Variants in ANKS1B observed in about 807,000 individuals in gnomAD.
ANKS1B encodes ankyrin repeat and sterile alpha motif domain-containing protein 1B.
ANKS1B carries 36 observed loss-of-function variants against 148.3 expected under a neutral mutation model. The ratio of observed to expected loss-of-function variants is 0.24; its 90% CI spans 0.19 to 0.32. The LOEUF (loss-of-function observed/expected upper bound fraction) is 0.32, where lower values mean the gene tolerates loss of function less well. Among genes scored for constraint, ANKS1B ranks in the 10% least tolerant of loss-of-function variants. The pLI, the probability that ANKS1B is intolerant of heterozygous loss-of-function variation, is 1.00. For missense variants in ANKS1B, 1,157 were observed against 1,542.6 expected (o/e 0.75, Z 4.19); for synonymous variants, 542 against 560.8 (o/e 0.97, Z 0.47).
chr12:98,784,787 A>ATAGTCATT (rs2098774663), intron 22 of ANKS1B, among the ~76,000 whole-genome samples: 1 of 152,158 alleles, frequency 6.6e-6, no homozygotes, highest in South Asian at 2.1e-4. Context: ...AAGATGAAGG[A>ATAGTCATT]TAGTCATTTC....
intron 9 of ANKS1B, among the ~76,000 whole-genome samples, chr12:99,523,701 C>T (rs541482544): frequency 1.1e-4 from 17 of 151,752 alleles, no homozygotes; most frequent in East Asian, 9.7e-4. Flanking sequence ...CACAGGCGCC[C>T]GCCACCACGC....
At chr12:99,316,843 T>A (rs1472787664) in intron 12 of ANKS1B, among the ~76,000 whole-genome samples, 2 of 152,252 alleles carry the variant, frequency 1.3e-5, no homozygotes, top group African/African-American at 4.8e-5. Context: ...AATTAATTTT[T>A]GTATAAGGTG....
intron 12 of ANKS1B, among the ~76,000 whole-genome samples, chr12:99,398,561 T>C (rs929771612): frequency 3.9e-5 from 6 of 152,180 alleles, no homozygotes; most frequent in African/African-American, 1.4e-4. Context: ...ATTCTTGTTA[T>C]ACCCAACTAA....
intron 25 of ANKS1B, among the ~76,000 whole-genome samples, chr12:98,770,751 T>A (rs995094384): frequency 6.6e-6 from 1 of 152,168 alleles, no homozygotes; most frequent in Non-Finnish European, 1.5e-5. Flanking sequence ...CTTAAGCTGG[T>A]ATAGATTTTG....
chr12:99,376,677 C>T (rs2093403750), intron 12 of ANKS1B, among the ~76,000 whole-genome samples: 1 of 152,160 alleles, frequency 6.6e-6, no homozygotes, highest in Non-Finnish European at 1.5e-5. Flanking sequence ...CCATATGAGC[C>T]TTGCCATGAT....
At chr12:98,746,844 G>A (rs1224519327) in intron 26 of ANKS1B, among the ~76,000 whole-genome samples, 1 of 152,242 alleles carries the variant, frequency 6.6e-6, no homozygotes, top group African/African-American at 2.4e-5. Context: ...AACAGCACAT[G>A]CAGCAGTCCC....
At chr12:99,361,756 A>T (rs1238055013) in intron 12 of ANKS1B, among the ~76,000 whole-genome samples, 1 of 152,044 alleles carries the variant, frequency 6.6e-6, no homozygotes, top group Admixed American at 6.6e-5. Flanking sequence ...AAAATCACAT[A>T]ATCATTGGGA....
chr12:99,369,361 C>T (rs2092955721), intron 12 of ANKS1B, among the ~76,000 whole-genome samples: 1 of 152,098 alleles, frequency 6.6e-6, no homozygotes. Context: ...TTTTACAAGA[C>T]AATTGTCATC....
At chr12:99,608,399 C>T (rs1319989536) in intron 9 of ANKS1B, among the ~76,000 whole-genome samples, 1 of 151,992 alleles carries the variant, frequency 6.6e-6, no homozygotes, top group Non-Finnish European at 1.5e-5. Flanking sequence ...TGTGAGGGCA[C>T]AAGAAACAAA....
chr12:99,782,788 T>C (rs957397163), intron 4 of ANKS1B, among the ~76,000 whole-genome samples: 11 of 152,228 alleles, frequency 7.2e-5, no homozygotes, highest in African/African-American at 2.7e-4. Context: ...GGCCCTCATA[T>C]ATTCACATTC....
At chr12:99,508,115 C>T (rs946731211) in intron 9 of ANKS1B, among the ~76,000 whole-genome samples, 5 of 151,818 alleles carry the variant, frequency 3.3e-5, no homozygotes, top group African/African-American at 1.2e-4. Context: ...TGATTTTTCT[C>T]AATCAAGATT....
intron 12 of ANKS1B, among the ~76,000 whole-genome samples, chr12:99,372,538 G>T (rs1481897664): frequency 6.6e-6 from 1 of 152,038 alleles, no homozygotes; most frequent in African/African-American, 2.4e-5. Context: ...TCCTTTCTTT[G>T]TAAATGATAT....
chr12:99,570,602 G>A (rs1443547978), intron 9 of ANKS1B, among the ~76,000 whole-genome samples: 2 of 150,528 alleles, frequency 1.3e-5, no homozygotes, highest in Non-Finnish European at 3.0e-5. Context: ...AGCTAAGATT[G>A]GCCACTGCAC....
chr12:99,416,347 C>T (rs1203544976), intron 11 of ANKS1B, among the ~76,000 whole-genome samples: 9 of 152,168 alleles, frequency 5.9e-5, no homozygotes, highest in Non-Finnish European at 1.2e-4. Flanking sequence ...AACATGTTTT[C>T]ATTTATCTGG....
chr12:99,218,790 A>G (rs903795453), intron 14 of ANKS1B, among the ~76,000 whole-genome samples: 9 of 152,212 alleles, frequency 5.9e-5, no homozygotes, highest in African/African-American at 1.9e-4. Context: ...AATAGTGCCA[A>G]GCTCATAATA....
intron 17 of ANKS1B, among the ~76,000 whole-genome samples, chr12:98,997,877 T>C (rs1160722268): frequency 6.6e-6 from 1 of 152,232 alleles, no homozygotes; most frequent in Admixed American, 6.5e-5. Flanking sequence ...TTTGTTAAAA[T>C]GGTTCATTTC....
intron 15 of ANKS1B, among the ~76,000 whole-genome samples, chr12:99,088,520 T>G (rs1297040527): frequency 1.3e-5 from 2 of 152,210 alleles, no homozygotes; most frequent in Non-Finnish European, 2.9e-5. Context: ...AAAATTAGCT[T>G]TAAGAAGTGA....
At chr12:99,534,895 G>A (rs1252366867) in intron 9 of ANKS1B, among the ~76,000 whole-genome samples, 1 of 151,786 alleles carries the variant, frequency 6.6e-6, no homozygotes, top group Non-Finnish European at 1.5e-5. Context: ...ATTTTTAGTA[G>A]AGACGGGGTT....
chr12:99,874,708 T>C (rs2091896157), intron 1 of ANKS1B, among the ~76,000 whole-genome samples: 1 of 152,198 alleles, frequency 6.6e-6, no homozygotes. Context: ...GTGGGACATA[T>C]GCTGCTCCAG....
Sources: allele counts gnomAD v4.1 joint callset (sites outside exome capture counted in the v4.1 genomes callset), GRCh38; gene constraint gnomAD v4.1.1; transcripts MANE v1.5; gene names NCBI Gene and HGNC (gene_info 2026-07-23, HGNC 2026-07-21).